The following VPS8 variants were observed in gnomAD, a reference collection of about 807,000 sequenced individuals.
VPS8 encodes vacuolar protein sorting-associated protein 8 homolog.
In VPS8, 129 loss-of-function variants were observed where a neutral mutation model predicts 216.4. The observed-to-expected ratio is 0.60, with a 90% CI of 0.52 to 0.69. The LOEUF (loss-of-function observed/expected upper bound fraction) is 0.69, where lower values mean the gene tolerates loss of function less well. VPS8 is among the 30% of genes least tolerant of loss of function. VPS8 has a pLI of 0.00. For synonymous variants in VPS8, 571 were observed against 565.4 expected (o/e 1.01, Z -0.14); for missense variants, 1,531 against 1,683.5 (o/e 0.91, Z 1.59).
intron 21 of VPS8, among the ~76,000 whole-genome samples, chr3:184,880,766 A>G (rs1025525837): frequency 2.0e-5 from 3 of 152,190 alleles, no homozygotes; most frequent in African/African-American, 7.2e-5. Context: ...TGCCAGTACC[A>G]TTTCGCATTC....
At chr3:184,940,550 G>A (rs548891022) in intron 36 of VPS8, among the ~76,000 whole-genome samples, 1 of 152,260 alleles carries the variant, frequency 6.6e-6, no homozygotes, top group East Asian at 1.9e-4. Flanking sequence ...TCCCCCTCCT[G>A]CCCTTGTTTC....
chr3:184,816,406 A>AT (rs1177269232), intron 1 of VPS8, among the ~76,000 whole-genome samples: 1 of 152,168 alleles, frequency 6.6e-6, no homozygotes, highest in Non-Finnish European at 1.5e-5. Context: ...TCTTTTTAAC[A>AT]TTTTTTAATC....
intron 40 of VPS8, among the ~76,000 whole-genome samples, chr3:184,973,318 A>G (rs556935354): frequency 6.6e-5 from 10 of 152,296 alleles, no homozygotes; most frequent in East Asian, 3.9e-4. Context: ...TTTTAGTAAA[A>G]TTGCATTAAA....
At chr3:184,920,007 T>G (rs1578243947) in intron 28 of VPS8, 120 bp from the exon 29 acceptor site, 7 of 712,796 alleles carry the variant, frequency 9.8e-6, no homozygotes, top group East Asian at 3.0e-5. Flanking sequence ...CAAAACCTAA[T>G]GAGGAATAGT....
chr3:185,049,213 G>T (rs1418918291), intron 47 of VPS8, among the ~76,000 whole-genome samples: 1 of 152,142 alleles, frequency 6.6e-6, no homozygotes, highest in Non-Finnish European at 1.5e-5. Flanking sequence ...ACAATTCTTG[G>T]TCTAATCTAA....
chr3:184,902,016 AT>A (rs899698636), intron 25 of VPS8, among the ~76,000 whole-genome samples: 3 of 151,136 alleles, frequency 2.0e-5, no homozygotes, highest in Non-Finnish European at 2.9e-5. Flanking sequence ...TGTGATTTTA[AT>A]TTTTATTCTG....
intron 30 of VPS8, 147 bp downstream of exon 30, chr3:184,925,128 G>A (rs1739350482): frequency 2.8e-6 from 3 of 1,086,738 alleles, no homozygotes; most frequent in Admixed American, 2.8e-5. Context: ...TAAGTTAGGG[G>A]GGTATGTGTA....
At chr3:185,029,138 T>C (rs1757768222) in intron 46 of VPS8, among the ~76,000 whole-genome samples, 1 of 152,208 alleles carries the variant, frequency 6.6e-6, no homozygotes, top group African/African-American at 2.4e-5. Flanking sequence ...GTTGGGTATA[T>C]ATTTTTGTGT....
intron 22 of VPS8, among the ~76,000 whole-genome samples, chr3:184,886,793 C>G (rs1055231376): frequency 4.6e-5 from 7 of 152,104 alleles, no homozygotes; most frequent in African/African-American, 1.7e-4. Context: ...GTTGGCCAGG[C>G]TGGTCTCAAA....
intron 40 of VPS8, among the ~76,000 whole-genome samples, chr3:184,972,377 A>G (rs1748567844): frequency 6.6e-6 from 1 of 152,168 alleles, no homozygotes; most frequent in Non-Finnish European, 1.5e-5. Context: ...GTCATCATTT[A>G]TCATCGTCTC....
At chr3:184,907,118 T>A (rs1464019741) in intron 25 of VPS8, among the ~76,000 whole-genome samples, 6 of 152,208 alleles carry the variant, frequency 3.9e-5, no homozygotes, top group Non-Finnish European at 8.8e-5. Context: ...GAGACATCGA[T>A]CAATACGTTT....
chr3:184,860,404 C>T lies in VPS8; in HGVS notation c.1224+339C>T, dbSNP rs1051676029. Among the ~76,000 whole-genome samples, 9 of 145,718 alleles carry T rather than the reference C, an allele frequency of 6.2e-5. No homozygotes were observed. The East Asian group carries it at 7.9e-4, about 13-fold the overall frequency. ...ATATACGTATATATATGTATGTATA[C>T]GTATATATGTATATATATGTATATA... is the stretch of plus-strand genomic sequence containing the variant. On this transcript the variant is annotated intron_variant, in intron 15 of 47. Coordinates refer to ENST00000625842, the MANE Select transcript of VPS8 (RefSeq NM_001009921.3).
intron 45 of VPS8, among the ~76,000 whole-genome samples, chr3:185,000,694 C>T (rs1187554655): frequency 2.0e-5 from 3 of 151,660 alleles, no homozygotes; most frequent in Admixed American, 6.6e-5. Flanking sequence ...CTGCAAGCTC[C>T]GTCTCCTGGG....
At chr3:184,938,728 A>G (rs1272779704) in intron 35 of VPS8, among the ~76,000 whole-genome samples, 2 of 150,376 alleles carry the variant, frequency 1.3e-5, no homozygotes, top group African/African-American at 2.5e-5. Flanking sequence ...TCAGACAAAT[A>G]TATAAAAGTA....
chr3:184,862,854 G>A lies in VPS8; in HGVS notation c.1225-43G>A, dbSNP rs768028132. On this transcript the variant is annotated intron_variant, in intron 15 of 47. Transcript: ENST00000625842. ...TTCTTCTTGACCCAAATGATGAAGC[G>A]GGTGTGGTCTCACTTTTGTTTTGTT... 48 of 1,578,014 alleles carry A rather than the reference G, an allele frequency of 3.0e-5. No individual in the cohort carries two copies. The East Asian group carries it at 3.6e-4, about 12-fold the overall frequency.
At chr3:184,974,422 A>G (rs1178122382) in intron 40 of VPS8, among the ~76,000 whole-genome samples, 5 of 151,982 alleles carry the variant, frequency 3.3e-5, no homozygotes, top group Admixed American at 2.6e-4. Flanking sequence ...CTTTTTTGCT[A>G]TTGAGTTGAG....
intron 1 of VPS8, chr3:184,817,566 A>G (rs1273356730): frequency 6.6e-6 from 1 of 152,216 alleles, no homozygotes; most frequent in African/African-American, 2.4e-5. Flanking sequence ...GTTGATAAAT[A>G]TGACCTGCAG....
At chr3:184,838,923 A>G (rs1721608575) in intron 6 of VPS8, 177 bp downstream of exon 6, 1 of 521,978 alleles carries the variant, frequency 1.9e-6, no homozygotes, top group African/African-American at 2.0e-5. Context: ...TTTTTTCCTA[A>G]TTTTTTGTTA....
At chr3:184,909,969 C>T (rs187601902) in intron 25 of VPS8, among the ~76,000 whole-genome samples, 61 of 151,904 alleles carry the variant, frequency 4.0e-4, no homozygotes, top group African/African-American at 1.4e-3. Context: ...AATTGCAAAC[C>T]CTCTCTCTTG....
Sources: allele counts gnomAD v4.1 joint callset (sites outside exome capture counted in the v4.1 genomes callset), GRCh38; gene constraint gnomAD v4.1.1; transcripts MANE v1.5; gene names NCBI Gene and HGNC (gene_info 2026-07-23, HGNC 2026-07-21).